The following CSMD2 variants were observed in gnomAD, a reference collection of about 807,000 sequenced individuals.
CSMD2 encodes the protein CUB and Sushi multiple domains 2.
Under a neutral mutation model 398.5 loss-of-function variants are expected in CSMD2, and 130 were observed. The ratio of observed to expected loss-of-function variants is 0.33; its 90% CI spans 0.28 to 0.38. The LOEUF (loss-of-function observed/expected upper bound fraction) is 0.38, where lower values mean the gene tolerates loss of function less well. Ranked by LOEUF, CSMD2 falls within the 10% of genes least tolerant of loss-of-function variation. The pLI is 1.00. For missense variants in CSMD2, 3,829 were observed against 4,764.9 expected (o/e 0.80, Z 5.78); for synonymous variants, 1,828 against 1,908.5 (o/e 0.96, Z 1.10).
intron 15 of CSMD2, among the ~76,000 whole-genome samples, chr1:33,734,900 G>C (rs1253519901): frequency 6.6e-6 from 1 of 151,888 alleles, no homozygotes. Context: ...TCAGCTCTTT[G>C]TCTTTTAATA....
chr1:33,906,758 T>A (rs1233345448), intron 5 of CSMD2, among the ~76,000 whole-genome samples: 1 of 152,132 alleles, frequency 6.6e-6, no homozygotes, highest in Non-Finnish European at 1.5e-5. Context: ...TTTGACTGGC[T>A]CAGTGGGTAG....
At chr1:33,763,415 C>A (rs768043784) in intron 13 of CSMD2, among the ~76,000 whole-genome samples, 17 of 152,096 alleles carry the variant, frequency 1.1e-4, no homozygotes, top group Non-Finnish European at 1.9e-4. Context: ...GGGACAAGGC[C>A]AAGAATTTTG....
intron 44 of CSMD2, among the ~76,000 whole-genome samples, chr1:33,596,784 T>G (rs1639869209): frequency 6.6e-6 from 1 of 152,226 alleles, no homozygotes; most frequent in South Asian, 2.1e-4. Flanking sequence ...TTATGGGAAC[T>G]ACAATTCAAG....
intron 3 of CSMD2, among the ~76,000 whole-genome samples, chr1:33,995,764 C>T (rs1007384030): frequency 2.6e-5 from 4 of 152,286 alleles, no homozygotes; most frequent in African/African-American, 7.2e-5. Flanking sequence ...GGACTTATCG[C>T]GAATAGGAAA....
intron 3 of CSMD2, among the ~76,000 whole-genome samples, chr1:33,963,469 T>A (rs1645442334): frequency 6.6e-6 from 1 of 152,218 alleles, no homozygotes; most frequent in Admixed American, 6.5e-5. Flanking sequence ...AAAGTATGTA[T>A]ACTCCTCTTA....
At chr1:33,983,921 G>A (rs1646257592) in intron 3 of CSMD2, among the ~76,000 whole-genome samples, 1 of 152,160 alleles carries the variant, frequency 6.6e-6, no homozygotes, top group South Asian at 2.1e-4. Flanking sequence ...GGGAGGCCAA[G>A]GCAGGTGGAT....
intron 1 of CSMD2, among the ~76,000 whole-genome samples, chr1:34,135,114 T>C (rs1166343331): frequency 6.6e-6 from 1 of 152,188 alleles, no homozygotes; most frequent in East Asian, 1.9e-4. Context: ...CTCGAAAATG[T>C]AGCGTTACAA....
At chr1:34,015,755 G>A (rs1468238677) in intron 3 of CSMD2, among the ~76,000 whole-genome samples, 2 of 152,200 alleles carry the variant, frequency 1.3e-5, no homozygotes, top group Non-Finnish European at 2.9e-5. Flanking sequence ...TGGATAAGGA[G>A]TTGCTGATTT....
At chr1:34,107,136 C>A (rs1660599876) in intron 1 of CSMD2, among the ~76,000 whole-genome samples, 1 of 152,148 alleles carries the variant, frequency 6.6e-6, no homozygotes, top group Admixed American at 6.5e-5. Context: ...CTGTCTGGGT[C>A]TTTCAGAGTG....
At chr1:33,964,761 C>T (rs963419416) in intron 3 of CSMD2, among the ~76,000 whole-genome samples, 8 of 152,232 alleles carry the variant, frequency 5.3e-5, no homozygotes, top group South Asian at 4.2e-4. Context: ...AGGGGTAGGG[C>T]GCTGCAGCAC....
chr1:33,593,169 G>C lies in CSMD2; in HGVS notation c.6857-6001C>G, dbSNP rs535168830. 8.5e-5 allele frequency among the ~76,000 whole-genome samples: 13 copies of C among 152,266 alleles called. No homozygotes were observed. The South Asian group carries it at 2.7e-3, about 32-fold the overall frequency. On this transcript the variant is annotated intron_variant, in intron 44 of 70. Transcript: ENST00000373381. ...AAACTCTGACACATGCTATAACATG[G>C]AACCTTGAAGACATTATGAATTCTG...
intron 13 of CSMD2, among the ~76,000 whole-genome samples, chr1:33,768,673 T>A (rs111975527): frequency 2.6e-3 from 401 of 151,676 alleles, no homozygotes; most frequent in African/African-American, 8.2e-3. Flanking sequence ...TCCCACAGCA[T>A]CTCTGTGGGC....
intron 12 of CSMD2, among the ~76,000 whole-genome samples, chr1:33,775,844 G>A (rs1651897097): frequency 1.3e-5 from 2 of 152,224 alleles, no homozygotes; most frequent in Admixed American, 6.5e-5. Context: ...GGACAGTTAG[G>A]AACAATGTAG....
At chr1:33,767,650 A>G (rs998431554) in intron 13 of CSMD2, among the ~76,000 whole-genome samples, 12 of 152,232 alleles carry the variant, frequency 7.9e-5, no homozygotes, top group African/African-American at 2.9e-4. Flanking sequence ...AGGAACAGAG[A>G]AAATGTAAAG....
intron 7 of CSMD2, among the ~76,000 whole-genome samples, chr1:33,821,456 A>T (rs1319858424): frequency 6.6e-6 from 1 of 152,126 alleles, no homozygotes; most frequent in Non-Finnish European, 1.5e-5. Flanking sequence ...TGGTCGGAGG[A>T]GTTCCACTCA....
chr1:34,024,930 C>G (rs1649428786), intron 3 of CSMD2, among the ~76,000 whole-genome samples: 1 of 152,190 alleles, frequency 6.6e-6, no homozygotes. Flanking sequence ...AGAGAATCAG[C>G]AGGTCTAATT....
At chr1:33,736,863 G>A (rs1646903897) in intron 15 of CSMD2, among the ~76,000 whole-genome samples, 1 of 152,216 alleles carries the variant, frequency 6.6e-6, no homozygotes, top group East Asian at 1.9e-4. Flanking sequence ...TAGAAATTAG[G>A]AGAAGGAAGA....
At position 34,151,359 on chromosome 1, in the gene CSMD2, C is replaced by T. The variant is rs142577801; in HGVS notation, c.187+13552G>A. On this transcript the variant is annotated intron_variant, in intron 1 of 70. Transcript: ENST00000373381. ...AGCAGCTAAAGGCCTTAAAAAGCCA[C>T]CTTGATGACAGAGGTATGGGGTTGA... Among the ~76,000 whole-genome samples, 277 of 152,222 alleles carry T rather than the reference C, an allele frequency of 1.8e-3. 3 individuals are homozygous for T. The highest frequency in any genetic ancestry group is 6.5e-3 in the African/African-American group (269 of 41,544).
In CSMD2 at chr1:33,533,246, A is replaced by G. The variant is rs116604185; in HGVS notation, c.9992-17T>C. ...AGTGGTGGGCTGGATGAGAGGAAAG[A>G]CCCTGTTGGACTGGAGGAGATTAGG... On this transcript the variant is annotated splice_polypyrimidine_tract_variant and intron_variant, in intron 63 of 70. Coordinates refer to ENST00000373381, the MANE Select transcript of CSMD2 (RefSeq NM_001281956.2). This position sits in a 1 kb window ranked among gnomAD's most constrained non-coding sequence, Gnocchi z 4.2. 3.8e-3 allele frequency: 6,186 copies of G among 1,612,134 alleles called. 122 individuals are homozygous for G. The African/African-American group carries it at 0.041, about 11-fold the overall frequency.
Sources: allele counts gnomAD v4.1 joint callset (sites outside exome capture counted in the v4.1 genomes callset), GRCh38; gene constraint gnomAD v4.1.1; non-coding constraint Gnocchi (gnomAD v3.1); transcripts MANE v1.5; gene names NCBI Gene and HGNC (gene_info 2026-07-23, HGNC 2026-07-21).